ACACA: variants seen among roughly 807,000 people sequenced by gnomAD.
ACACA encodes acetyl-CoA carboxylase 1.
ACACA carries 103 observed loss-of-function variants against 296.1 expected under a neutral mutation model. The ratio of observed to expected loss-of-function variants is 0.35; its 90% CI spans 0.30 to 0.41. The LOEUF is 0.41. Among genes scored for constraint, ACACA ranks in the 10% least tolerant of loss-of-function variants. ACACA has a pLI of 1.00. For synonymous variants in ACACA, 953 were observed against 1,038.6 expected (o/e 0.92, Z 1.58); for missense variants, 1,554 against 2,989.7 (o/e 0.52, Z 11.20).
chr17:37,088,941 C>T lies in ACACA; in HGVS notation c.7025G>A (p.Arg2342His), dbSNP rs751550256. Reference sequence around the variant, plus strand: ...GAGTTCCCCACGTTGGTCTCACCTGCGGATTTGCTTGAGGACGTAGTCTCT... The same window carrying T: ...GAGTTCCCCACGTTGGTCTCACCTGTGGATTTGCTTGAGGACGTAGTCTCT... ...ISRDYVLKQI[R>H]SLVQANPEVA... is the part of the protein sequence containing the mutation. Residue 2342 changes from arginine (R) to histidine (H), a missense_variant, in exon 55 of 56, where the codon CGC (arginine) becomes CAC (histidine). Around this residue, in one of 16 missense-constraint regions of ACACA, gnomAD observed 553 missense variants for 1,043.6 expected, o/e 0.53. Transcript: ENST00000616317. 7.4e-6 allele frequency: 12 copies of T among 1,614,042 alleles called. No individual in the cohort carries two copies. Among genetic ancestry groups the T allele is most frequent in the Non-Finnish European group, 1.0e-5 (12 of 1,180,030 alleles).
chr17:37,168,747 G>A (rs2076778025), intron 41 of ACACA, among the ~76,000 whole-genome samples: 1 of 152,154 alleles, frequency 6.6e-6, no homozygotes, highest in South Asian at 2.1e-4. Flanking sequence ...TTTCTAAAAA[G>A]AAATGCTCTG....
chr17:37,160,008 ATGGAATCAC>A (rs1351783861), intron 42 of ACACA, among the ~76,000 whole-genome samples: 27 of 152,360 alleles, frequency 1.8e-4, no homozygotes, highest in Admixed American at 5.2e-4. Flanking sequence ...ATTCAGTAAT[ATGGAATCAC>A]TGGTGACCCT....
Position 37,390,326 on chromosome 17 carries a change from A to ATC in ACACA, c.38+15935_38+15936insGA, listed in dbSNP as rs2050812843. On this transcript the variant is annotated intron_variant, in intron 1 of 55. Coordinates refer to ENST00000616317, the MANE Select transcript of ACACA (RefSeq NM_198834.3). ...TAATTATATATATATATATATATAT[A>ATC]TATATATAAAAGGCCAGCTGGGCCG... is the stretch of plus-strand genomic sequence containing the variant. 5.7e-3 allele frequency among the ~76,000 whole-genome samples: 418 copies of ATC among 72,860 alleles called. 42 individuals are homozygous for ATC. Among genetic ancestry groups the ATC allele is most frequent in the Middle Eastern group, 0.019 (3 of 158 alleles). The allele number at this position is 72,860 out of a possible 152,430, so 47.8% of individuals were successfully genotyped here.
intron 2 of ACACA, among the ~76,000 whole-genome samples, chr17:37,333,116 T>C (rs1446984382): frequency 6.6e-6 from 1 of 152,112 alleles, no homozygotes; most frequent in East Asian, 1.9e-4. Flanking sequence ...CTGGCAGAAC[T>C]CATAGCCCTC....
At chr17:37,382,844 G>A (rs2050362606) in intron 1 of ACACA, among the ~76,000 whole-genome samples, 2 of 152,028 alleles carry the variant, frequency 1.3e-5, no homozygotes, top group African/African-American at 4.8e-5. Flanking sequence ...TGGCGACAGA[G>A]CGAGACTCTG....
intron 25 of ACACA, among the ~76,000 whole-genome samples, chr17:37,229,988 G>A (rs2079771733): frequency 1.3e-5 from 2 of 152,078 alleles, no homozygotes; most frequent in South Asian, 4.1e-4. Context: ...AATTGCCCAG[G>A]AGGTGGAGGT....
chr17:37,375,658 C>T (rs1223804511), intron 1 of ACACA, among the ~76,000 whole-genome samples: 1 of 152,152 alleles, frequency 6.6e-6, no homozygotes, highest in Non-Finnish European at 1.5e-5. Context: ...ATAATTCCTG[C>T]TCTAGAAATT....
chr17:37,392,437 C>T (rs1204130281), intron 1 of ACACA: 1 of 152,134 alleles, frequency 6.6e-6, no homozygotes, highest in Non-Finnish European at 1.5e-5. Flanking sequence ...AATGCTGTTT[C>T]TCACAGGAGA....
rs1264156932 is a variant in ACACA at position 37,287,590 on chromosome 17, A to AAAAC, written c.339-2621_339-2620insGTTT. ...CTACTAAAAAAAAAAAAAAAAAAAA[A>AAAAC]CAAATATCCAGGCATGGTGGTGCAC... On this transcript the variant is annotated intron_variant, in intron 3 of 55. Coordinates refer to ENST00000616317, the MANE Select transcript of ACACA (RefSeq NM_198834.3). 4.2e-4 allele frequency among the ~76,000 whole-genome samples: 60 copies of AAAAC among 144,228 alleles called. 1 individual carries two copies. Among genetic ancestry groups the AAAAC allele is most frequent in the South Asian group, 1.5e-3 (7 of 4,628 alleles). 94.6% of individuals were successfully genotyped at this position (144,228 alleles called of 152,430 possible).
chr17:37,296,923 C>T (rs1044645138), intron 3 of ACACA, among the ~76,000 whole-genome samples: 15 of 147,608 alleles, frequency 1.0e-4, no homozygotes, highest in African/African-American at 2.7e-4. Context: ...CGCCATGTTG[C>T]CCAGGCTGGT....
intron 47 of ACACA, 83 bp downstream of exon 47, chr17:37,129,282 T>C: frequency 3.2e-6 from 5 of 1,565,036 alleles, no homozygotes; most frequent in Non-Finnish European, 4.4e-6. Flanking sequence ...TCACATGTGA[T>C]TGTTCAGGAA....
chr17:37,370,975 C>T (rs955177174), intron 1 of ACACA, among the ~76,000 whole-genome samples: 62 of 144,022 alleles, frequency 4.3e-4, no homozygotes, highest in African/African-American at 1.5e-3. Flanking sequence ...CAGAGCAAGA[C>T]TCCATCTCAA....
In ACACA at chr17:37,358,987, C is replaced by T. The variant is rs1368288582; in HGVS notation, c.39-19137G>A. ...TCCCCGGTCACAGGTTCTGGGCCGG[C>T]CCTCACCTCACCTCAGGGTGGCAAC... On this transcript the variant is annotated intron_variant, in intron 1 of 55. Coordinates refer to ENST00000616317, the MANE Select transcript of ACACA (RefSeq NM_198834.3). 3 of 985,462 alleles carry T rather than the reference C, an allele frequency of 3.0e-6. No individual in the cohort carries two copies. The African/African-American group carries it at 5.2e-5, about 17-fold the overall frequency. 61.0% of individuals were successfully genotyped at this position (985,462 alleles called of 1,614,324 possible).
rs537546375 is a variant in ACACA, at chr17:37,340,979, G to C, written c.39-1129C>G. On this transcript the variant is annotated intron_variant, in intron 1 of 55. Transcript: ENST00000616317. ...GGGAGGCTGAGGCAGAGGTGTGCTA[G>C]AGTCCAGGAGCTGGAGGCTGCAATG... Among the ~76,000 whole-genome samples, 83 of 152,274 alleles carry C rather than the reference G, an allele frequency of 5.5e-4. 1 individual carries two copies. The highest frequency in any genetic ancestry group is 2.4e-3 in the Admixed American group (37 of 15,286).
At chr17:37,353,097 T>C (rs1219832065) in intron 1 of ACACA, among the ~76,000 whole-genome samples, 1 of 152,228 alleles carries the variant, frequency 6.6e-6, no homozygotes, top group Non-Finnish European at 1.5e-5. Flanking sequence ...CTAAATGTTC[T>C]ATTAAGTTAT....
chr17:37,178,263 C>T (rs1378478362), intron 41 of ACACA, among the ~76,000 whole-genome samples: 2 of 152,110 alleles, frequency 1.3e-5, no homozygotes, highest in Non-Finnish European at 2.9e-5. Context: ...TCATAGGTTA[C>T]TCTGAGAGAA....
intron 1 of ACACA, among the ~76,000 whole-genome samples, chr17:37,397,251 G>A (rs2051112837): frequency 6.6e-6 from 1 of 151,960 alleles, no homozygotes; most frequent in Non-Finnish European, 1.5e-5. Context: ...ATTCCATAGT[G>A]TATATGTGCC....
intron 45 of ACACA, chr17:37,144,520 A>C (rs1301003050): frequency 5.3e-6 from 1 of 187,488 alleles, no homozygotes; most frequent in Non-Finnish European, 1.1e-5. Context: ...TACACAGTGC[A>C]GGTCCCTGGT....
At chr17:37,232,153 C>T (rs560484605) in intron 25 of ACACA, among the ~76,000 whole-genome samples, 1 of 152,166 alleles carries the variant, frequency 6.6e-6, no homozygotes, top group Non-Finnish European at 1.5e-5. Flanking sequence ...ACTAGAGCAA[C>T]GCATATCCCA....
Sources: allele counts gnomAD v4.1 joint callset (sites outside exome capture counted in the v4.1 genomes callset), GRCh38; gene constraint gnomAD v4.1.1; regional missense constraint gnomAD v4.1.1; transcripts MANE v1.5; gene names NCBI Gene and HGNC (gene_info 2026-07-23, HGNC 2026-07-21).